The following PPP6R2 variants were observed in gnomAD, a reference collection of about 807,000 sequenced individuals.
The protein encoded by PPP6R2 is serine/threonine-protein phosphatase 6 regulatory subunit 2.
Under a neutral mutation model 100.2 loss-of-function variants are expected in PPP6R2, and 62 were observed. The ratio of observed to expected loss-of-function variants is 0.62; its 90% CI spans 0.50 to 0.76. The LOEUF is 0.76. PPP6R2 is among the 30% of genes least tolerant of loss of function. PPP6R2 has a pLI of 0.00. For synonymous variants in PPP6R2, 525 were observed against 514.7 expected, an observed-to-expected ratio of 1.02 and a Z score of -0.27; for missense variants, 1,142 against 1,276.3, an observed-to-expected ratio of 0.89 and a Z score of 1.60.
In PPP6R2 at chr22:50,433,187, G is replaced by A. The variant is rs570984574; in HGVS notation, c.1400+858G>A. On this transcript the variant is annotated intron_variant, in intron 12 of 23. Coordinates refer to ENST00000612753, the MANE Select transcript of PPP6R2 (RefSeq NM_001242898.2). ...GGCAGGGGGCGCGGACACTGGGCAG[G>A]GGCCGGGCATTTGCTCTGGAGGTGA... Among the ~76,000 whole-genome samples the A allele has an allele frequency of 5.9e-5, 9 of 151,636 alleles. No individual in the cohort carries two copies. The South Asian group carries it at 1.5e-3, about 25-fold the overall frequency.
upstream of PPP6R2, among the ~76,000 whole-genome samples, chr22:50,341,034 C>T (rs571966809): frequency 2.2e-3 from 337 of 152,242 alleles, no homozygotes; most frequent in Non-Finnish European, 4.1e-3. Context: ...CCTCAGCCTC[C>T]CGAGTAGCTG....
chr22:50,404,352 C>T (rs1322204595), intron 3 of PPP6R2, among the ~76,000 whole-genome samples: 2 of 151,984 alleles, frequency 1.3e-5, no homozygotes, highest in Non-Finnish European at 2.9e-5. Context: ...GCCTCGGCCT[C>T]TCAAAGTGCT....
rs569023871 is a variant in PPP6R2, at chr22:50,420,789, C to T, written c.845+1327C>T. Among the ~76,000 whole-genome samples, 6 of 152,336 alleles carry T rather than the reference C, an allele frequency of 3.9e-5. No homozygotes were observed. The East Asian group carries it at 9.7e-4, about 25-fold the overall frequency. On this transcript the variant is annotated intron_variant, in intron 8 of 23. Coordinates refer to ENST00000612753, the MANE Select transcript of PPP6R2 (RefSeq NM_001242898.2). ...GGGCCACATCAGTGTCCTCTGGGCA[C>T]TTCCCCTCCTGGCCTCACCCTGGCC...
chr22:50,398,892 G>C (rs530390252), intron 3 of PPP6R2, among the ~76,000 whole-genome samples: 1 of 152,314 alleles, frequency 6.6e-6, no homozygotes, highest in South Asian at 2.1e-4. Context: ...TCCTTCTTCA[G>C]TCTGTCTGCG....
intron 13 of PPP6R2, 31 bp downstream of exon 13, chr22:50,435,112 G>A: frequency 6.8e-7 from 1 of 1,478,588 alleles, no homozygotes; most frequent in South Asian, 1.4e-5. Context: ...TCCTTCTGCT[G>A]GTCGCGGGCA....
At chr22:50,371,555 C>T (rs1350012141) in intron 1 of PPP6R2, among the ~76,000 whole-genome samples, 2 of 151,880 alleles carry the variant, frequency 1.3e-5, no homozygotes, top group African/African-American at 4.8e-5. Flanking sequence ...GTCATGTTTG[C>T]TAGTTGAATT....
At chr22:50,400,895 C>T (rs1029407820) in intron 3 of PPP6R2, among the ~76,000 whole-genome samples, 25 of 152,108 alleles carry the variant, frequency 1.6e-4, no homozygotes, top group Admixed American at 1.4e-3. Context: ...GATATTTTCC[C>T]TCTTTTCTCT....
intron 2 of PPP6R2, among the ~76,000 whole-genome samples, chr22:50,392,193 A>G (rs2055733521): frequency 6.6e-6 from 1 of 152,248 alleles, no homozygotes; most frequent in South Asian, 2.1e-4. Flanking sequence ...GGAAGATCTT[A>G]AGACCTAGAA....
intron 12 of PPP6R2, among the ~76,000 whole-genome samples, chr22:50,432,725 C>T (rs1427026454): frequency 6.6e-6 from 1 of 152,232 alleles, no homozygotes; most frequent in Non-Finnish European, 1.5e-5. Context: ...ATGGGTGCTC[C>T]CTCTGGTCAG....
At chr22:50,377,077 T>C (rs1310487919) in intron 2 of PPP6R2, among the ~76,000 whole-genome samples, 1 of 152,080 alleles carries the variant, frequency 6.6e-6, no homozygotes, top group Non-Finnish European at 1.5e-5. Flanking sequence ...TAAAAATATT[T>C]GTAAGAAACA....
In PPP6R2 at chr22:50,394,639, G is replaced by A. The variant is rs535848910; in HGVS notation, c.227+504G>A. On this transcript the variant is annotated intron_variant, in intron 3 of 23. Transcript: ENST00000612753. ...AAAAAAAAAAAGGCCGGGCACAGTG[G>A]CTCATGTCTGTAATCCCAGCACTTT... Among the ~76,000 whole-genome samples the A allele has an allele frequency of 2.0e-5, 3 of 149,980 alleles. No homozygotes were observed. The East Asian group carries it at 5.9e-4, about 29-fold the overall frequency.
At chr22:50,333,533 C>T in the PPP6R2 span, among the ~76,000 whole-genome samples, 5 of 152,036 alleles carry the variant, frequency 3.3e-5, no homozygotes, top group Non-Finnish European at 5.9e-5. Flanking sequence ...CAGGTTTCAC[C>T]GTGTTAGCCA....
At chr22:50,416,020 CA>C in intron 5 of PPP6R2, 71 bp from the exon 6 acceptor site, 2 of 1,425,546 alleles carry the variant, frequency 1.4e-6, no homozygotes, top group Non-Finnish European at 2.0e-6. Flanking sequence ...AGTGCTGCAC[CA>C]AAGGGGAAAG....
rs889897299 is a variant in PPP6R2 at position 50,423,027 on chromosome 22, G to A, written c.973-435G>A. 6.6e-5 allele frequency among the ~76,000 whole-genome samples: 10 copies of A among 152,158 alleles called. 1 individual carries two copies. The highest frequency in any genetic ancestry group is 1.3e-4 in the Admixed American group (2 of 15,274). ...GCGGTCCATCGGAGGAGGCATTCCC[G>A]TCAGTGTCCCCAAAGTGTGTTCATG... On this transcript the variant is annotated intron_variant, in intron 9 of 23. Coordinates refer to ENST00000612753, the MANE Select transcript of PPP6R2 (RefSeq NM_001242898.2). This position sits in a 1 kb window ranked among gnomAD's most constrained non-coding sequence, Gnocchi z 4.8.
chr22:50,414,733 G>T (rs1282689479), intron 5 of PPP6R2, 44 bp downstream of exon 5: 3 of 1,590,556 alleles, frequency 1.9e-6, no homozygotes, highest in Non-Finnish European at 2.6e-6. Flanking sequence ...CAGGGGTGCT[G>T]CAGGAAGCCA....
At chr22:50,360,738 T>C (rs1388385104) in intron 1 of PPP6R2, among the ~76,000 whole-genome samples, 1 of 152,144 alleles carries the variant, frequency 6.6e-6, no homozygotes, top group Non-Finnish European at 1.5e-5. Context: ...CTGTCAGAGC[T>C]CACAGATAGG....
At position 50,431,366 on chromosome 22, in the gene PPP6R2, A is replaced by C. The variant is rs181498134; in HGVS notation, c.1319A>C (p.Asn440Thr). Residue 440 changes from asparagine to threonine, a missense_variant, in exon 11 of 24, where the codon AAC becomes ACC. By Grantham distance (65) the Asn-to-Thr change is moderately conservative. Coordinates refer to ENST00000612753, the MANE Select transcript of PPP6R2 (RefSeq NM_001242898.2). This position sits in a 1 kb window ranked among gnomAD's most constrained non-coding sequence, Gnocchi z 4.8. ...CAGCCGGCCGCCAGCCTCCCTGACA[A>C]CACAATGGTGACCCACGTGAGTCCA... ...TPQPAASLPD[N>T]TMVTHLFQKC... 6.2e-7 allele frequency: 1 copy of C among 1,612,576 alleles called. No homozygotes were observed. Among genetic ancestry groups the C allele is most frequent in the East Asian group, 2.2e-5 (1 of 44,884 alleles).
chr22:50,401,673 C>A (rs2058066738), intron 3 of PPP6R2, among the ~76,000 whole-genome samples: 1 of 148,622 alleles, frequency 6.7e-6, no homozygotes, highest in Non-Finnish European at 1.5e-5. Flanking sequence ...GACGGAGTCT[C>A]ACTCTGTCGC....
chr22:50,407,365 C>T (rs1310144974), intron 4 of PPP6R2: 3 of 164,412 alleles, frequency 1.8e-5, no homozygotes, highest in Non-Finnish European at 4.0e-5. Context: ...AGGAGTGTTT[C>T]TTATAGCTGG....
Sources: gnomAD v4.1 joint callset for allele counts (sites outside exome capture counted in the v4.1 genomes callset) on GRCh38, gnomAD v4.1.1 for gene constraint, Gnocchi (gnomAD v3.1) non-coding constraint, MANE v1.5 for transcripts, NCBI Gene and HGNC (gene_info 2026-07-23, HGNC 2026-07-21) for gene names.